Variants in CAMSAP1 observed in about 807,000 individuals in gnomAD.
The protein encoded by CAMSAP1 is calmodulin regulated spectrin associated protein 1.
Under a neutral mutation model 143.5 loss-of-function variants are expected in CAMSAP1, and 58 were observed. That is an observed-to-expected ratio of 0.40 (90% CI 0.33 to 0.50). The LOEUF is 0.50. Among genes scored for constraint, CAMSAP1 ranks in the 20% least tolerant of loss-of-function variants. The pLI is 0.45. For missense variants in CAMSAP1, 1,969 were observed against 2,115.7 expected (o/e 0.93, Z 1.36); for synonymous variants, 945 against 859.3 (o/e 1.10, Z -1.74).
At chr9:135,849,179 T>A (rs1361157244) in intron 7 of CAMSAP1, among the ~76,000 whole-genome samples, 1 of 152,254 alleles carries the variant, frequency 6.6e-6, no homozygotes, top group Non-Finnish European at 1.5e-5. Context: ...GCGCCTTCAG[T>A]GTGCTCAGAA....
intron 5 of CAMSAP1, among the ~76,000 whole-genome samples, chr9:135,856,824 G>A (rs946758818): frequency 5.9e-5 from 9 of 152,198 alleles, no homozygotes; most frequent in Non-Finnish European, 8.8e-5. Flanking sequence ...CCTCTGAGCC[G>A]GACAGGCCAA....
chr9:135,846,106 C>T (rs949970136), intron 7 of CAMSAP1, among the ~76,000 whole-genome samples: 5 of 140,030 alleles, frequency 3.6e-5, no homozygotes, highest in Non-Finnish European at 6.1e-5. Context: ...AAGCTGGAGG[C>T]ATCATGCTAC....
rs13283314 is a variant in CAMSAP1 at position 135,818,341 on chromosome 9, G to C, written c.4168+67C>G. ...ACTCTTGATGACAAAATTGAAATGA[G>C]CTGAAGAACGTGAGGCCGCCGCCCG... On this transcript the variant is annotated intron_variant, in intron 13 of 16. Transcript: ENST00000389532. This position sits in a 1 kb window ranked among gnomAD's most constrained non-coding sequence, Gnocchi z 7.7. The C allele has an allele frequency of 0.01, 14,978 of 1,464,766 alleles. 100 individuals carry two copies. The highest frequency in any genetic ancestry group is 0.012 in the Non-Finnish European group (13,362 of 1,094,772). 90.7% of individuals were successfully genotyped at this position (1,464,766 alleles called of 1,614,324 possible).
Position 135,882,757 on chromosome 9 carries a change from C to A in CAMSAP1, c.423+59G>T. ...CACCATCCATGCACCAGGTGCGCCA[C>A]ACGAGAGCCCACGGCTCCAGAGGAT... is the stretch of plus-strand genomic sequence containing the variant. On this transcript the variant is annotated intron_variant, in intron 2 of 16. Transcript: ENST00000389532. This position sits in a 1 kb window ranked among gnomAD's most constrained non-coding sequence, Gnocchi z 4.9. The A allele has an allele frequency of 6.6e-7, 1 of 1,513,164 alleles. No homozygotes were observed. Among genetic ancestry groups the A allele is most frequent in the Non-Finnish European group, 8.8e-7 (1 of 1,130,174 alleles). 93.7% of individuals were successfully genotyped at this position (1,513,164 alleles called of 1,614,324 possible).
chr9:135,865,415 G>T, intron 4 of CAMSAP1: 1 of 1,537,356 alleles, frequency 6.5e-7, no homozygotes, highest in Non-Finnish European at 8.8e-7. Context: ...CAGCAGAGCA[G>T]GTCCACGTGT....
rs1265976736 is a variant in CAMSAP1 at position 135,821,845 on chromosome 9, T to C, written c.2816A>G (p.Tyr939Cys). The change falls in exon 11 of 17, where the codon TAC becomes TGC. Residue 939 changes from tyrosine (Y) to cysteine (C), a missense_variant. Tyr to Cys is a radical substitution (Grantham distance 194). This residue lies in a region of CAMSAP1 where 1,390 missense variants were observed against 1,420.8 expected (regional missense o/e 0.98). Transcript: ENST00000389532. The surrounding 1 kb of genome is among the most constrained non-coding windows in gnomAD (Gnocchi z 4.6). ...PLRPEHFAKE[Y>C]SQHNGEDCGD... ...ACAGTCCTCCCCGTTGTGCTGAGAG[T>C]ACTCCTTTGCAAAGTGCTCCGGCCT... 1 of 1,613,998 alleles carries C rather than the reference T, an allele frequency of 6.2e-7. No homozygotes were observed. Among genetic ancestry groups the C allele is most frequent in the Admixed American group, 1.7e-5 (1 of 60,026 alleles).
At chr9:135,899,921 G>A (rs939246507) in intron 1 of CAMSAP1, among the ~76,000 whole-genome samples, 3 of 152,172 alleles carry the variant, frequency 2.0e-5, no homozygotes, top group African/African-American at 4.8e-5. Context: ...CCTCAAGCCC[G>A]TCATTATGGG....
intron 1 of CAMSAP1, among the ~76,000 whole-genome samples, chr9:135,893,210 G>C (rs1838340658): frequency 6.7e-6 from 1 of 149,466 alleles, no homozygotes; most frequent in Non-Finnish European, 1.5e-5. Context: ...GGAGAGAGGA[G>C]GACAGTGAAA....
intron 7 of CAMSAP1, among the ~76,000 whole-genome samples, chr9:135,843,738 G>A (rs2131723415): frequency 6.6e-6 from 1 of 152,034 alleles, no homozygotes; most frequent in South Asian, 2.1e-4. Context: ...GCTGGGCGTG[G>A]TGGCGGGCAC....
intron 14 of CAMSAP1, 21 bp from the exon 15 acceptor site, chr9:135,816,026 G>C (rs1277629560): frequency 1.2e-6 from 2 of 1,609,394 alleles, no homozygotes; most frequent in Non-Finnish European, 8.5e-7. Context: ...AAACAGACAA[G>C]AGACAGGCAG....
intron 7 of CAMSAP1, chr9:135,836,842 GAC>G (rs1667669622): frequency 3.1e-6 from 3 of 976,900 alleles, no homozygotes; most frequent in Admixed American, 6.5e-5. Flanking sequence ...CACTTCTACC[GAC>G]ACACATCATG....
intron 7 of CAMSAP1, among the ~76,000 whole-genome samples, chr9:135,845,063 C>A (rs1454315849): frequency 1.3e-5 from 2 of 151,448 alleles, no homozygotes; most frequent in African/African-American, 2.4e-5. Context: ...AGAGACACAA[C>A]AAAAAAAAAT....
chr9:135,819,259 A>T, intron 11 of CAMSAP1, 113 bp from the exon 12 acceptor site: 1 of 1,348,870 alleles, frequency 7.4e-7, no homozygotes. Context: ...TAACGCATAA[A>T]GACTTCTATG....
chr9:135,878,556 C>T (rs1409107665), intron 3 of CAMSAP1, among the ~76,000 whole-genome samples: 2 of 152,334 alleles, frequency 1.3e-5, no homozygotes, highest in East Asian at 3.9e-4. Context: ...ATCGTACCAA[C>T]AGCCCCAAGC....
At chr9:135,885,961 C>T (rs1290608905) in intron 1 of CAMSAP1, among the ~76,000 whole-genome samples, 1 of 151,968 alleles carries the variant, frequency 6.6e-6, no homozygotes, top group African/African-American at 2.4e-5. Flanking sequence ...AGACACTGCA[C>T]TTGTCCATGA....
In CAMSAP1 at chr9:135,821,252, G is replaced by A. The variant is rs771843413; in HGVS notation, c.3409C>T (p.Pro1137Ser). ...VETLPHLRPF[P>S]ASSHPRTPTD... ...GGCGTCCGAGGGTGGCTGCTGGCAG[G>A]GAAGGGTCTCAAGTGCGGGAGCGTC... Residue 1137 changes from proline (P) to serine (S), a missense_variant, in exon 11 of 17, where the codon CCT (proline) becomes TCT (serine). Pro to Ser is a moderately conservative substitution (Grantham distance 74). Transcript: ENST00000389532. This position sits in a 1 kb window ranked among gnomAD's most constrained non-coding sequence, Gnocchi z 4.6. 1 of 1,608,778 alleles carries A rather than the reference G, an allele frequency of 6.2e-7. No individual in the cohort carries two copies. The highest frequency in any genetic ancestry group is 8.5e-7 in the Non-Finnish European group (1 of 1,179,744).
In CAMSAP1 at chr9:135,907,354, C is replaced by T. The variant is rs1202800881; in HGVS notation, c.-195G>A. On this transcript the variant is annotated 5_prime_UTR_variant, in exon 1 of 17. Coordinates refer to ENST00000389532, the MANE Select transcript of CAMSAP1 (RefSeq NM_015447.4). ...CCCCGCGGCTGCTGCATGCTGCGGG[C>T]GCTGAGCCCGAGCGGAGGAGGTGCC... 3 of 181,256 alleles carry T rather than the reference C, an allele frequency of 1.7e-5. No homozygotes were observed. Among genetic ancestry groups the T allele is most frequent in the East Asian group, 1.9e-4 (1 of 5,270 alleles). 11.2% of individuals were successfully genotyped at this position (181,256 alleles called of 1,614,324 possible).
chr9:135,846,146 G>A (rs1157012475), intron 7 of CAMSAP1, among the ~76,000 whole-genome samples: 6 of 144,330 alleles, frequency 4.2e-5, no homozygotes, highest in African/African-American at 1.5e-4. Context: ...CAAGGCTATA[G>A]TAACCAAAAC....
At chr9:135,853,939 A>C (rs1436955878) in intron 5 of CAMSAP1, among the ~76,000 whole-genome samples, 1 of 152,258 alleles carries the variant, frequency 6.6e-6, no homozygotes, top group Non-Finnish European at 1.5e-5. Context: ...GCCCTTACTG[A>C]GATGACTGTA....
Sources: allele counts gnomAD v4.1 joint callset (sites outside exome capture counted in the v4.1 genomes callset), GRCh38; gene constraint gnomAD v4.1.1; regional missense constraint gnomAD v4.1.1; non-coding constraint Gnocchi (gnomAD v3.1); transcripts MANE v1.5; gene names NCBI Gene and HGNC (gene_info 2026-07-23, HGNC 2026-07-21).